ESRRG: variants seen among roughly 807,000 people sequenced by gnomAD.
The protein encoded by ESRRG is estrogen-related receptor gamma.
In ESRRG, 13 loss-of-function variants were observed where a neutral mutation model predicts 44.0. The ratio of observed to expected loss-of-function variants is 0.30; its 90% CI spans 0.19 to 0.47. The LOEUF (loss-of-function observed/expected upper bound fraction) is 0.47. Among genes scored for constraint, ESRRG ranks in the 20% least tolerant of loss-of-function variants. The pLI is 1.00. For missense variants in ESRRG, 395 were observed against 580.6 expected, an observed-to-expected ratio of 0.68 and a Z score of 3.29; for synonymous variants, 215 against 214.6, an observed-to-expected ratio of 1.00 and a Z score of -0.02.
intron 6 of ESRRG, among the ~76,000 whole-genome samples, chr1:216,518,547 A>G (rs2045094804): frequency 6.6e-6 from 1 of 152,184 alleles, no homozygotes; most frequent in African/African-American, 2.4e-5. Context: ...AGAGAGGCAC[A>G]AAGGGAAAAA....
rs141274612 is a variant in ESRRG at position 217,047,376 on chromosome 1, T to C, written c.-106+42131A>G. On this transcript the variant is annotated intron_variant, in intron 1 of 7. Transcript: ENST00000359162. ...TTCCAGTGTTTTGCATCTTGGTAAATGGCACTGTCATCCATCCATGAAACC... is the reference window on the plus strand; with the variant it reads ...TTCCAGTGTTTTGCATCTTGGTAAACGGCACTGTCATCCATCCATGAAACC... Among the ~76,000 whole-genome samples the C allele has an allele frequency of 3.3e-3, 507 of 152,250 alleles. 3 individuals carry two copies. The highest frequency in any genetic ancestry group is 5.0e-3 in the Non-Finnish European group (338 of 68,002).
At chr1:216,580,366 T>C (rs999755385) in intron 3 of ESRRG, among the ~76,000 whole-genome samples, 4 of 152,122 alleles carry the variant, frequency 2.6e-5, no homozygotes, top group African/African-American at 9.7e-5. Context: ...ATAGAAAACT[T>C]GAAGATAACA....
intron 1 of ESRRG, among the ~76,000 whole-genome samples, chr1:217,056,995 C>T (rs928275630): frequency 2.6e-5 from 4 of 152,008 alleles, no homozygotes; most frequent in Non-Finnish European, 5.9e-5. Flanking sequence ...TCCTCTTTAC[C>T]ATCTGAGTAC....
intron 2 of ESRRG, among the ~76,000 whole-genome samples, chr1:216,788,665 C>G (rs923712600): frequency 6.6e-6 from 1 of 152,070 alleles, no homozygotes; most frequent in East Asian, 1.9e-4. Flanking sequence ...TTAAGAAATA[C>G]ATTTTGTAGG....
intron 1 of ESRRG, among the ~76,000 whole-genome samples, chr1:216,993,044 C>T (rs946334872): frequency 3.3e-5 from 5 of 152,140 alleles, no homozygotes; most frequent in African/African-American, 1.2e-4. Flanking sequence ...CTCTACCAAC[C>T]CGAATGTAAG....
At chr1:216,537,293 C>T (rs1341027015) in intron 5 of ESRRG, among the ~76,000 whole-genome samples, 1 of 151,960 alleles carries the variant, frequency 6.6e-6, no homozygotes, top group Non-Finnish European at 1.5e-5. Flanking sequence ...AAAGGGGACC[C>T]TCACCAGACA....
intron 5 of ESRRG, among the ~76,000 whole-genome samples, chr1:216,528,372 G>C (rs1359160409): frequency 1.3e-5 from 2 of 152,124 alleles, no homozygotes; most frequent in African/African-American, 2.4e-5. Flanking sequence ...TCAGTCATAT[G>C]GACTAGCTGC....
chr1:216,946,726 C>G (rs2066118754), intron 1 of ESRRG, among the ~76,000 whole-genome samples: 1 of 151,142 alleles, frequency 6.6e-6, no homozygotes, highest in African/African-American at 2.4e-5. Context: ...TTCTTTCTTT[C>G]TTTGTTTTTT....
chr1:216,774,724 C>T (rs553005657), intron 2 of ESRRG, among the ~76,000 whole-genome samples: 26 of 148,538 alleles, frequency 1.8e-4, no homozygotes, highest in African/African-American at 3.7e-4. Context: ...TGACTGTGTA[C>T]GAACAGAGTC....
intron 1 of ESRRG, among the ~76,000 whole-genome samples, chr1:216,718,960 TTAA>T (rs2085537426): frequency 6.6e-6 from 1 of 152,048 alleles, no homozygotes; most frequent in Non-Finnish European, 1.5e-5. Flanking sequence ...ATCATTGCTA[TTAA>T]TTGCCATTTG....
chr1:216,741,092 G>A (rs915003260), intron 2 of ESRRG, among the ~76,000 whole-genome samples: 1 of 150,990 alleles, frequency 6.6e-6, no homozygotes, highest in Non-Finnish European at 1.5e-5. Context: ...CATATGGGAA[G>A]ACTGTCCAAC....
In ESRRG at chr1:217,013,150, G is replaced by A. The variant is rs866987456; in HGVS notation, c.-105-73477C>T. On this transcript the variant is annotated intron_variant, in intron 1 of 7. Coordinates refer to the ESRRG transcript ENST00000359162. ...CTCTGGAAAGGCTCTATCCCCAAAC[G>A]GGATCACATTCCTCTGTACTGGAGG... is the stretch of plus-strand genomic sequence containing the variant. Among the ~76,000 whole-genome samples, 7 of 152,270 alleles carry A rather than the reference G, an allele frequency of 4.6e-5. No individual in the cohort carries two copies. In the Middle Eastern group the frequency reaches 0.014, roughly 296 times the overall value.
chr1:216,912,196 G>C (rs1441449666), intron 2 of ESRRG, among the ~76,000 whole-genome samples: 1 of 7,680 alleles, frequency 1.3e-4, no homozygotes. Flanking sequence ...GAGAGGAGAG[G>C]AGAGGAGAGG....
At chr1:216,857,125 TAAA>T (rs954256247) in intron 2 of ESRRG, among the ~76,000 whole-genome samples, 1 of 151,898 alleles carries the variant, frequency 6.6e-6, no homozygotes, top group African/African-American at 2.4e-5. Flanking sequence ...ACGCTAATAA[TAAA>T]AAAAGGCATT....
intron 3 of ESRRG, among the ~76,000 whole-genome samples, chr1:216,579,013 A>T (rs2062209637): frequency 6.6e-6 from 1 of 152,184 alleles, no homozygotes; most frequent in African/African-American, 2.4e-5. Flanking sequence ...AATGATGTAT[A>T]TTCATTAAAA....
At chr1:216,749,905 C>G (rs1438613074) in intron 2 of ESRRG, among the ~76,000 whole-genome samples, 1 of 152,184 alleles carries the variant, frequency 6.6e-6, no homozygotes, top group Non-Finnish European at 1.5e-5. Context: ...TTATCCCCAT[C>G]TATCACTAAA....
intron 3 of ESRRG, among the ~76,000 whole-genome samples, chr1:216,629,329 G>C (rs1226057327): frequency 6.6e-6 from 1 of 152,148 alleles, no homozygotes; most frequent in East Asian, 1.9e-4. Context: ...ACAAAAGTGG[G>C]AAGGAAAGAT....
At chr1:216,663,424 A>C (rs2073064831) in intron 2 of ESRRG, among the ~76,000 whole-genome samples, 1 of 152,154 alleles carries the variant, frequency 6.6e-6, no homozygotes, top group Non-Finnish European at 1.5e-5. Context: ...TTCATTCTAA[A>C]GGTAAATTCA....
intron 1 of ESRRG, among the ~76,000 whole-genome samples, chr1:216,941,704 A>G (rs976944062): frequency 4.6e-5 from 7 of 152,138 alleles, no homozygotes; most frequent in Admixed American, 2.0e-4. Flanking sequence ...AGTGGTGACA[A>G]CTAATCCAGA....
Sources: gnomAD v4.1 joint callset for allele counts (sites outside exome capture counted in the v4.1 genomes callset) on GRCh38, gnomAD v4.1.1 for gene constraint, MANE v1.5 for transcripts, NCBI Gene and HGNC (gene_info 2026-07-23, HGNC 2026-07-21) for gene names.